The following RGS6 variants were observed in gnomAD, a reference collection of about 807,000 sequenced individuals.
RGS6 encodes the protein regulator of G protein signaling 6, also known as regulator of G-protein signaling 6.
In RGS6, 30 loss-of-function variants were observed where a neutral mutation model predicts 78.5. The observed-to-expected ratio is 0.38, with a 90% CI of 0.29 to 0.52. RGS6 has a LOEUF of 0.52. Ranked by LOEUF, RGS6 falls within the 20% of genes least tolerant of loss-of-function variation. The pLI is 0.85. For missense variants in RGS6, 495 were observed against 609.7 expected (o/e 0.81, Z 1.98); for synonymous variants, 206 against 206.0 (o/e 1.00, Z 0.00).
intron 2 of RGS6, among the ~76,000 whole-genome samples, chr14:72,050,544 T>C (rs952049076): frequency 6.6e-6 from 1 of 152,200 alleles, no homozygotes; most frequent in Non-Finnish European, 1.5e-5. Context: ...TTAGTCTTGA[T>C]ACATAGAGAA....
intron 2 of RGS6, among the ~76,000 whole-genome samples, chr14:72,146,372 G>A (rs993486283): frequency 1.3e-5 from 2 of 152,060 alleles, no homozygotes; most frequent in Admixed American, 6.6e-5. Flanking sequence ...CTTCTCACAT[G>A]TAAAATATAT....
At chr14:72,460,775 G>A (rs78661737) in intron 6 of RGS6, among the ~76,000 whole-genome samples, 2,217 of 152,264 alleles carry the variant, frequency 0.015, 28 homozygotes, top group Middle Eastern at 0.034. Context: ...AGATGCAGCT[G>A]TGGTGAGTGG....
intron 2 of RGS6, among the ~76,000 whole-genome samples, chr14:72,183,776 A>C (rs2153703437): frequency 6.6e-6 from 1 of 152,326 alleles, no homozygotes; most frequent in African/African-American, 2.4e-5. Context: ...GGTGCAAGGA[A>C]TTCTTTTTCC....
chr14:72,583,292 A>G, the RGS6 span, among the ~76,000 whole-genome samples: 1 of 152,366 alleles, frequency 6.6e-6, no homozygotes, highest in South Asian at 2.1e-4. Flanking sequence ...CCATAATGGT[A>G]TAAGCCAATT....
At chr14:72,379,528 C>T (rs2085521570) in intron 3 of RGS6, among the ~76,000 whole-genome samples, 1 of 151,872 alleles carries the variant, frequency 6.6e-6, no homozygotes, top group Non-Finnish European at 1.5e-5. Context: ...TGTTTCTGTA[C>T]TTGAACAATG....
chr14:72,218,738 A>G (rs1038815690), intron 2 of RGS6, among the ~76,000 whole-genome samples: 5 of 152,128 alleles, frequency 3.3e-5, no homozygotes, highest in Admixed American at 6.5e-5. Flanking sequence ...CAGCCTCCCA[A>G]GTAGCTGGGA....
intron 2 of RGS6, among the ~76,000 whole-genome samples, chr14:72,319,454 A>G (rs1348530621): frequency 6.6e-6 from 1 of 150,836 alleles, no homozygotes; most frequent in Non-Finnish European, 1.5e-5. Flanking sequence ...GGTTCACGCC[A>G]TTCTCCTGCC....
intron 2 of RGS6, among the ~76,000 whole-genome samples, chr14:72,202,370 T>G (rs1458550640): frequency 6.6e-6 from 1 of 152,088 alleles, no homozygotes; most frequent in African/African-American, 2.4e-5. Flanking sequence ...ATAGTGCATT[T>G]CAGAGAAGTT....
chr14:72,352,448 A>C (rs2079288204), intron 3 of RGS6, among the ~76,000 whole-genome samples: 2 of 152,208 alleles, frequency 1.3e-5, no homozygotes, highest in African/African-American at 2.4e-5. Context: ...AAATAAACCC[A>C]TTAATAAAGT....
chr14:72,054,019 TGAGAA>T (rs2093479914), intron 2 of RGS6, among the ~76,000 whole-genome samples: 1 of 152,132 alleles, frequency 6.6e-6, no homozygotes, highest in African/African-American at 2.4e-5. Context: ...AGAATAGGGG[TGAGAA>T]GAGAATAGCA....
chr14:72,228,337 C>T (rs1222711593), intron 2 of RGS6, among the ~76,000 whole-genome samples: 2 of 151,896 alleles, frequency 1.3e-5, no homozygotes, highest in Admixed American at 1.3e-4. Context: ...GTCGAGATTG[C>T]ACCACTGCAC....
chr14:72,112,040 G>T (rs539813517), intron 2 of RGS6, among the ~76,000 whole-genome samples: 4 of 152,308 alleles, frequency 2.6e-5, no homozygotes, highest in African/African-American at 9.6e-5. Flanking sequence ...GAATCCATTG[G>T]CATGCGGAGC....
At chr14:71,897,011 C>T in the RGS6 span, among the ~76,000 whole-genome samples, 1 of 152,208 alleles carries the variant, frequency 6.6e-6, no homozygotes, top group African/African-American at 2.4e-5. Context: ...ACCTGTTCTT[C>T]TCCCTTGTTG....
chr14:71,992,866 C>CT (rs1320778787), intron 2 of RGS6, among the ~76,000 whole-genome samples: 2 of 151,502 alleles, frequency 1.3e-5, no homozygotes, highest in East Asian at 2.0e-4. Flanking sequence ...CAAGCTTCAT[C>CT]TTTTTTTATC....
At chr14:72,119,606 T>G (rs2095997316) in intron 2 of RGS6, among the ~76,000 whole-genome samples, 1 of 152,170 alleles carries the variant, frequency 6.6e-6, no homozygotes, top group Non-Finnish European at 1.5e-5. Flanking sequence ...CAAATTCAAG[T>G]ACTGATTTTA....
intron 2 of RGS6, among the ~76,000 whole-genome samples, chr14:72,330,078 C>T (rs920541338): frequency 7.2e-5 from 11 of 152,200 alleles, no homozygotes; most frequent in African/African-American, 1.9e-4. Flanking sequence ...TAGTGAGGGA[C>T]CGAGATTGTA....
At chr14:72,398,909 G>C (rs9671758) in intron 3 of RGS6, among the ~76,000 whole-genome samples, 29,615 of 151,602 alleles carry the variant, frequency 0.2, 4,034 homozygotes, top group East Asian at 0.45. Flanking sequence ...GCACTGTGGT[G>C]TGAGAGACAG....
intron 2 of RGS6, among the ~76,000 whole-genome samples, chr14:72,056,074 C>T (rs979430488): frequency 4.6e-5 from 7 of 152,138 alleles, no homozygotes; most frequent in East Asian, 1.9e-4. Context: ...CGTGAGCCCC[C>T]GGGAATCTGT....
rs558282990 is a variant in RGS6 at position 72,449,615 on chromosome 14, G to C, written c.185-4913G>C. 3.1e-4 allele frequency among the ~76,000 whole-genome samples: 47 copies of C among 152,268 alleles called. 1 individual carries two copies. The highest frequency in any genetic ancestry group is 8.3e-4 in the South Asian group (4 of 4,824). On this transcript the variant is annotated intron_variant, in intron 3 of 17. Coordinates refer to ENST00000553525, the MANE Select transcript of RGS6 (RefSeq NM_001204424.2). ...AACAGCGTTAATTCAGCATGGAAAG[G>C]CACCAGGAAAAGATCACTGCGTCTT...
Sources: gnomAD v4.1 joint callset for allele counts (sites outside exome capture counted in the v4.1 genomes callset) on GRCh38, gnomAD v4.1.1 for gene constraint, MANE v1.5 for transcripts, NCBI Gene and HGNC (gene_info 2026-07-23, HGNC 2026-07-21) for gene names.